PGPEP1L: variants seen among roughly 807,000 people sequenced by gnomAD.
PGPEP1L encodes the protein pyroglutamyl-peptidase I like.
PGPEP1L carries 7 observed loss-of-function variants against 6.0 expected under a neutral mutation model. The observed-to-expected ratio is 1.17, with a 90% confidence interval of 0.66 to 2.19. The LOEUF is 2.19. PGPEP1L is among the 30% of genes most tolerant of loss of function. The pLI is 0.00. For missense variants in PGPEP1L, 209 were observed against 192.5 expected, an observed-to-expected ratio of 1.09 and a Z score of -0.51; for synonymous variants, 103 against 83.9, an observed-to-expected ratio of 1.23 and a Z score of -1.24.
At chr15:98,981,489 C>CAAA (rs769918543) in intron 2 of PGPEP1L, among the ~76,000 whole-genome samples, 164 of 82,064 alleles carry the variant, frequency 2.0e-3, no homozygotes, top group African/African-American at 5.4e-3. Flanking sequence ...GACTCCGTCT[C>CAAA]AAAAAAAAAA....
At chr15:98,990,986 C>T (rs1381382989) in intron 2 of PGPEP1L, among the ~76,000 whole-genome samples, 1 of 152,158 alleles carries the variant, frequency 6.6e-6, no homozygotes, top group Non-Finnish European at 1.5e-5. Flanking sequence ...AATTTTATAG[C>T]ATTAAATGCC....
intron 2 of PGPEP1L, among the ~76,000 whole-genome samples, chr15:98,972,678 C>T (rs2151754580): frequency 6.6e-6 from 1 of 151,864 alleles, no homozygotes; most frequent in East Asian, 1.9e-4. Flanking sequence ...ACCATCCTGG[C>T]TAACACAGTG....
chr15:98,985,612 G>A (rs148204893), intron 2 of PGPEP1L, among the ~76,000 whole-genome samples: 431 of 152,286 alleles, frequency 2.8e-3, no homozygotes, highest in Admixed American at 4.4e-3. Flanking sequence ...TGAACTAAAT[G>A]TTTCCTGACC....
intron 2 of PGPEP1L, among the ~76,000 whole-genome samples, chr15:98,986,953 G>A (rs1327663198): frequency 6.6e-6 from 1 of 151,904 alleles, no homozygotes; most frequent in Non-Finnish European, 1.5e-5. Flanking sequence ...TGGATCAAGA[G>A]GTCAGGAGAT....
At chr15:98,993,914 AT>A (rs1296516538) in intron 2 of PGPEP1L, among the ~76,000 whole-genome samples, 1 of 152,200 alleles carries the variant, frequency 6.6e-6, no homozygotes, top group Non-Finnish European at 1.5e-5. Flanking sequence ...TACATATATA[AT>A]TTAACAAAGT....
chr15:98,971,697 G>A (rs1160405070), intron 2 of PGPEP1L, among the ~76,000 whole-genome samples: 1 of 152,128 alleles, frequency 6.6e-6, no homozygotes, highest in Non-Finnish European at 1.5e-5. Context: ...CATGTAACAA[G>A]AAAACTTCTG....
In PGPEP1L at chr15:99,000,823, C is replaced by A. The variant is rs544566237; in HGVS notation, c.-142+4606G>T. Among the ~76,000 whole-genome samples, 13 of 152,178 alleles carry A rather than the reference C, an allele frequency of 8.5e-5. No homozygotes were observed. The East Asian group carries it at 2.5e-3, about 29-fold the overall frequency. On this transcript the variant is annotated intron_variant, in intron 2 of 4. Coordinates refer to ENST00000535714, the MANE Select transcript of PGPEP1L (RefSeq NM_001167902.2). ...AGATAAGAGAAAAAAAAGCAGGCTG[C>A]GGGAGCCAACAGTGGCAACCCACTC... is the stretch of plus-strand genomic sequence containing the variant.
intron 2 of PGPEP1L, among the ~76,000 whole-genome samples, chr15:99,000,656 A>G (rs1174105100): frequency 5.9e-5 from 9 of 152,120 alleles, no homozygotes; most frequent in African/African-American, 1.7e-4. Context: ...GAACCTTTGT[A>G]TCCACACTCT....
chr15:99,003,703 C>T (rs1285167138), intron 2 of PGPEP1L, among the ~76,000 whole-genome samples: 1 of 148,274 alleles, frequency 6.7e-6, no homozygotes, highest in Non-Finnish European at 1.5e-5. Context: ...TGGAATCCAG[C>T]GGGCATTCCC....
chr15:98,979,099 T>C (rs1189314809), intron 2 of PGPEP1L, among the ~76,000 whole-genome samples: 1 of 151,974 alleles, frequency 6.6e-6, no homozygotes, highest in East Asian at 1.9e-4. Flanking sequence ...GCCCTCAAGA[T>C]TCTGGTCTGG....
intron 1 of PGPEP1L, 108 bp from the exon 2 acceptor site, chr15:99,005,764 T>TG (rs2018047688): frequency 6.6e-6 from 1 of 152,490 alleles, no homozygotes; most frequent in African/African-American, 2.4e-5. Flanking sequence ...TCTGGGTCAC[T>TG]TTGTTGTTCA....
At chr15:98,976,344 A>T (rs1454349559) in intron 2 of PGPEP1L, among the ~76,000 whole-genome samples, 4 of 152,230 alleles carry the variant, frequency 2.6e-5, no homozygotes, top group African/African-American at 9.6e-5. Context: ...ATCCGTAGTA[A>T]ATCATTTAGC....
At chr15:98,976,762 T>C (rs1406122325) in intron 2 of PGPEP1L, among the ~76,000 whole-genome samples, 1 of 152,182 alleles carries the variant, frequency 6.6e-6, no homozygotes, top group Admixed American at 6.5e-5. Context: ...GTAGATTATG[T>C]TTACTTGCTG....
intron 2 of PGPEP1L, among the ~76,000 whole-genome samples, chr15:98,979,514 CATCA>C (rs757216801): frequency 2.6e-5 from 4 of 151,898 alleles, no homozygotes; most frequent in Non-Finnish European, 5.9e-5. Flanking sequence ...CCCAAATTCC[CATCA>C]ATCAATGAGT....
rs146383383 is a variant in PGPEP1L at position 98,993,534 on chromosome 15, C to T, written c.-142+11895G>A. 8.6e-3 allele frequency among the ~76,000 whole-genome samples: 1,301 copies of T among 151,764 alleles called. 25 individuals carry two copies. The highest frequency in any genetic ancestry group is 0.03 in the African/African-American group (1,230 of 41,390). On this transcript the variant is annotated intron_variant, in intron 2 of 4. Coordinates refer to ENST00000535714, the MANE Select transcript of PGPEP1L (RefSeq NM_001167902.2). ...CTAGTTCAACAATTATACAGTGTAG[C>T]GATTCCTCAAGGATCTAGAACTAGA...
At chr15:98,987,165 CAAAAAAAAAAAAAAAA>C (rs57923635) in intron 2 of PGPEP1L, among the ~76,000 whole-genome samples, 5 of 33,396 alleles carry the variant, frequency 1.5e-4, no homozygotes, top group Non-Finnish European at 2.0e-4. Flanking sequence ...GACTCCATCT[CAAAAAAAAAAAAAAAA>C]AAAAAAAAAA....
rs551580224 is a variant in PGPEP1L at position 98,975,008 on chromosome 15, ATCTGCCTTCCCATG to A, written c.-141-3864_-141-3851del. Among the ~76,000 whole-genome samples, 22 of 152,386 alleles carry A rather than the reference ATCTGCCTTCCCATG, an allele frequency of 1.4e-4. No homozygotes were observed. In the South Asian group the frequency reaches 4.3e-3, roughly 30 times the overall value. On this transcript the variant is annotated intron_variant, in intron 2 of 4. Coordinates refer to ENST00000535714, the MANE Select transcript of PGPEP1L (RefSeq NM_001167902.2). ...AAGGAAATCAGTATATCAGAAAGAT[ATCTGCCTTCCCATG>A]TCTTTTGCAGCATTATTCATAATAG...
chr15:98,988,755 T>C (rs1415597902), intron 2 of PGPEP1L, among the ~76,000 whole-genome samples: 1 of 152,206 alleles, frequency 6.6e-6, no homozygotes, highest in Non-Finnish European at 1.5e-5. Context: ...GGCTGGCATC[T>C]GGCAGGTGCC....
chr15:98,974,129 C>T (rs946943656), intron 2 of PGPEP1L, among the ~76,000 whole-genome samples: 4 of 152,078 alleles, frequency 2.6e-5, no homozygotes, highest in Admixed American at 1.3e-4. Flanking sequence ...GGCTGTAATC[C>T]CACCACTTTG....
Sources: allele counts gnomAD v4.1 joint callset (sites outside exome capture counted in the v4.1 genomes callset), GRCh38; gene constraint gnomAD v4.1.1; transcripts MANE v1.5; gene names NCBI Gene and HGNC (gene_info 2026-07-23, HGNC 2026-07-21).